Variants in BIN3 observed in about 807,000 individuals in gnomAD.
BIN3 encodes the protein bridging integrator 3.
BIN3 carries 41 observed loss-of-function variants against 38.2 expected under a neutral mutation model. The observed-to-expected ratio is 1.07, with a 90% CI of 0.84 to 1.39. The LOEUF (loss-of-function observed/expected upper bound fraction) is 1.39. Ranked by LOEUF, BIN3 falls within the 40% of genes most tolerant of loss-of-function variation. The pLI, the probability that BIN3 is intolerant of heterozygous loss-of-function variation, is 0.00. For missense variants in BIN3, 361 were observed against 324.3 expected, an observed-to-expected ratio of 1.11 and a Z score of -0.87; for synonymous variants, 145 against 122.6, an observed-to-expected ratio of 1.18 and a Z score of -1.21.
intron 4 of BIN3, among the ~76,000 whole-genome samples, chr8:22,634,718 G>C (rs1802314557): frequency 1.3e-5 from 2 of 152,184 alleles, no homozygotes; most frequent in Non-Finnish European, 2.9e-5. Flanking sequence ...CTCACAGACA[G>C]CCAAGCAAAG....
At chr8:22,661,508 C>T (rs1200707169) in intron 1 of BIN3, among the ~76,000 whole-genome samples, 4 of 151,502 alleles carry the variant, frequency 2.6e-5, no homozygotes, top group African/African-American at 7.3e-5. Flanking sequence ...CAGGCGTGCA[C>T]CACCACGCCT....
chr8:22,654,949 A>ATATAAGG (rs1423255752), intron 1 of BIN3, among the ~76,000 whole-genome samples: 1 of 152,180 alleles, frequency 6.6e-6, no homozygotes, highest in Non-Finnish European at 1.5e-5. Context: ...CACCAGTGGT[A>ATATAAGG]TATAAGGGTT....
Position 22,624,002 on chromosome 8 carries a change from G to A in BIN3, c.528C>T (p.Asn176=), listed in dbSNP as rs144388671. The change falls in exon 8 of 9, where the codon AAC becomes AAT. Residue 176 remains asparagine (N), a synonymous_variant. Transcript: ENST00000276416. The part of the protein sequence containing the change: ...RPVREDFEAK[N]RQLLEEMPRF... ...GCGGCATCTCCTCCAGCAGCTGCCTGTTCTTGGCTTCAAAGTCCTCCCGCA... is the reference window on the plus strand; with the variant it reads ...GCGGCATCTCCTCCAGCAGCTGCCTATTCTTGGCTTCAAAGTCCTCCCGCA... 4.6e-4 allele frequency: 748 copies of A among 1,612,526 alleles called. 7 individuals carry two copies. In the African/African-American group the frequency reaches 8.7e-3, roughly 19 times the overall value.
intron 1 of BIN3, among the ~76,000 whole-genome samples, chr8:22,654,778 T>C (rs1803005287): frequency 6.6e-6 from 1 of 152,246 alleles, no homozygotes. Context: ...TATTAATGAA[T>C]GCTGTGACAA....
In BIN3 at chr8:22,630,550, G is replaced by A; in HGVS notation, c.189C>T (p.Ser63=). ...AGAGGGGATTGGAGAGTAAGTCCAAGGATATCTTCACGGCAGATTTTGACA... is the reference window on the plus strand; with the variant it reads ...AGAGGGGATTGGAGAGTAAGTCCAAAGATATCTTCACGGCAGATTTTGACA... ...LAMSKSAVKI[S]LDLLSNPLCE... The change falls in exon 5 of 9, where the codon TCC becomes TCT. Residue 63 remains serine, a synonymous_variant. Transcript: ENST00000276416. The A allele has an allele frequency of 6.2e-7, 1 of 1,613,998 alleles. No individual in the cohort carries two copies. The highest frequency in any genetic ancestry group is 8.5e-7 in the Non-Finnish European group (1 of 1,179,874).
rs750323659 is a variant in BIN3, at chr8:22,644,769, T to C, written c.43A>G (p.Ile15Val). The C allele has an allele frequency of 1.9e-6, 3 of 1,612,028 alleles. No homozygotes were observed. Among genetic ancestry groups the C allele is most frequent in the East Asian group, 4.5e-5 (2 of 44,862 alleles). ...PFKIGQPKKQ[I>V]VPKTVERDFE... ...GAGTTACTCACTGTTTTGGGCACAATCTGTTTCTTGGGCTGCCCAATCTTA... is the reference window on the plus strand; with the variant it reads ...GAGTTACTCACTGTTTTGGGCACAACCTGTTTCTTGGGCTGCCCAATCTTA... Residue 15 changes from isoleucine (I) to valine (V), a missense_variant, in exon 2 of 9, where the codon ATT becomes GTT. Transcript: ENST00000276416.
intron 1 of BIN3, among the ~76,000 whole-genome samples, chr8:22,654,216 A>G (rs1205006800): frequency 6.6e-6 from 1 of 152,188 alleles, no homozygotes; most frequent in Admixed American, 6.6e-5. Flanking sequence ...TGTCTCTTCT[A>G]TTCTCCCTGA....
At chr8:22,666,041 T>C (rs1392953462) in intron 1 of BIN3, among the ~76,000 whole-genome samples, 1 of 152,106 alleles carries the variant, frequency 6.6e-6, no homozygotes. Context: ...CTCTAACTCC[T>C]ACTCACACTT....
chr8:22,623,107 G>A (rs1447452286), intron 8 of BIN3, among the ~76,000 whole-genome samples: 11 of 152,348 alleles, frequency 7.2e-5, no homozygotes, highest in Non-Finnish European at 1.6e-4. Context: ...CAGAGCCACA[G>A]GGACCTGGCA....
intron 2 of BIN3, among the ~76,000 whole-genome samples, chr8:22,641,774 T>C (rs1039563146): frequency 6.6e-5 from 10 of 152,182 alleles, no homozygotes; most frequent in African/African-American, 2.4e-4. Context: ...ATGTTCCTTG[T>C]GTGCAAGACT....
chr8:22,625,013 C>G, intron 6 of BIN3: 1 of 366,728 alleles, frequency 2.7e-6, no homozygotes. Flanking sequence ...TCCTTGGCAA[C>G]ATGAAAGCAG....
At chr8:22,655,566 T>C (rs1563979695) in intron 1 of BIN3, among the ~76,000 whole-genome samples, 1 of 152,200 alleles carries the variant, frequency 6.6e-6, no homozygotes, top group South Asian at 2.1e-4. Flanking sequence ...GGCATCTTTG[T>C]TACAAATCAA....
intron 1 of BIN3, among the ~76,000 whole-genome samples, chr8:22,645,515 A>G (rs1802686695): frequency 6.6e-6 from 1 of 151,340 alleles, no homozygotes; most frequent in African/African-American, 2.4e-5. Flanking sequence ...AGAAGGGAAG[A>G]AAGGGGAAGG....
intron 8 of BIN3, chr8:22,622,579 G>A (rs1156819359): frequency 6.6e-6 from 1 of 152,410 alleles, no homozygotes; most frequent in South Asian, 2.1e-4. Context: ...GCGAGGGGGA[G>A]GCTGGGGCCC....
At position 22,630,372 on chromosome 8, in the gene BIN3, G is replaced by A. The variant is rs1429490030; in HGVS notation, c.297+70C>T. On this transcript the variant is annotated intron_variant, in intron 5 of 8. Coordinates refer to ENST00000276416, the MANE Select transcript of BIN3 (RefSeq NM_018688.6). ...AGAGGGAGCCCACTCGGGCCTCCCC[G>A]CACAGTCCACCCAGAGGCCCAGACC... is the stretch of plus-strand genomic sequence containing the variant. 1.4e-5 allele frequency: 23 copies of A among 1,589,542 alleles called. No homozygotes were observed. In the Admixed American group the frequency reaches 2.2e-4, roughly 15 times the overall value.
intron 1 of BIN3, among the ~76,000 whole-genome samples, chr8:22,649,968 T>TA (rs1802837816): frequency 6.6e-6 from 1 of 152,120 alleles, no homozygotes; most frequent in Non-Finnish European, 1.5e-5. Flanking sequence ...GTAAAAGAAA[T>TA]ATCATGAATG....
intron 3 of BIN3, 102 bp downstream of exon 3, chr8:22,636,820 A>G: frequency 7.5e-7 from 1 of 1,337,124 alleles, no homozygotes; most frequent in Non-Finnish European, 1.1e-6. Flanking sequence ...CTCAGCTTCC[A>G]GGGTGCTCAC....
At position 22,621,165 on chromosome 8, in the gene BIN3, T is replaced by C. The variant is rs1435595754; in HGVS notation, c.*257A>G. On this transcript the variant is annotated 3_prime_UTR_variant, in exon 9 of 9. Transcript: ENST00000276416. ...TGCTCAGGCCGTGGGCCAGGATGCA[T>C]GCTGGACGGTTCTCCAAATAAAAAA... 4.0e-6 allele frequency: 2 copies of C among 495,382 alleles called. No individual in the cohort carries two copies. Among genetic ancestry groups the C allele is most frequent in the African/African-American group, 1.9e-5 (1 of 51,436 alleles). The allele number at this position is 495,382 out of a possible 1,614,324, so 30.7% of individuals were successfully genotyped here. A position where few individuals can be genotyped will look rare whatever the true frequency, so the allele number is the denominator to read the frequency against.
At position 22,630,498 on chromosome 8, in the gene BIN3, T is replaced by G. The variant is rs1159207142; in HGVS notation, c.241A>C (p.Met81Leu). The change falls in exon 5 of 9, where the codon ATG becomes CTG. Residue 81 changes from methionine (M) to leucine (L), a missense_variant. Coordinates refer to ENST00000276416, the MANE Select transcript of BIN3 (RefSeq NM_018688.6). ...ATGGCCGTGTCCAGGGCCGTCACCA[T>G]GTTCAGAAGGTCCTGGTCTTGCTCA... ...LCEQDQDLLN[M>L]VTALDTAMKR... 1 of 1,614,004 alleles carries G rather than the reference T, an allele frequency of 6.2e-7. No individual in the cohort carries two copies. Among genetic ancestry groups the G allele is most frequent in the East Asian group, 2.2e-5 (1 of 44,890 alleles).
Sources: allele counts gnomAD v4.1 joint callset (sites outside exome capture counted in the v4.1 genomes callset), GRCh38; gene constraint gnomAD v4.1.1; transcripts MANE v1.5; gene names NCBI Gene and HGNC (gene_info 2026-07-23, HGNC 2026-07-21).